NHSL2: variants seen among roughly 807,000 people sequenced by gnomAD.
NHSL2 encodes NHS-like protein 2.
A neutral mutation model predicts 53.4 loss-of-function variants in NHSL2; 27 were observed. The ratio of observed to expected loss-of-function variants is 0.51; its 90% CI spans 0.37 to 0.70. The LOEUF is 0.70. NHSL2 is among the 30% of genes least tolerant of loss of function. NHSL2 has a pLI of 0.00. For missense variants in NHSL2, 892 were observed against 980.1 expected, an observed-to-expected ratio of 0.91 and a Z score of 1.20; for synonymous variants, 408 against 404.1, an observed-to-expected ratio of 1.01 and a Z score of -0.12.
At chrX:72,113,257 G>C (rs2042107656) in intron 1 of NHSL2, among the ~76,000 whole-genome samples, 1 of 111,671 alleles carries the variant, frequency 9.0e-6, no homozygotes, top group Non-Finnish European at 1.9e-5. Flanking sequence ...TCCTCTGGTT[G>C]CTGTGTGGGA....
chrX:71,986,164 T>A (rs1379121959), intron 1 of NHSL2, among the ~76,000 whole-genome samples: 2 of 112,104 alleles, frequency 1.8e-5, no homozygotes, highest in African/African-American at 6.5e-5. Flanking sequence ...GTTTCCTGTA[T>A]GACTTTTATA....
At chrX:72,138,322 G>T in intron 5 of NHSL2, 119 bp from the exon 6 acceptor site, 1 of 527,403 alleles carries the variant, frequency 1.9e-6, no homozygotes, top group Non-Finnish European at 3.0e-6. Flanking sequence ...GAAGAACCAA[G>T]GAATTCTGAC....
chrX:72,098,770 T>C (rs1167520549), intron 1 of NHSL2, among the ~76,000 whole-genome samples: 1 of 112,034 alleles, frequency 8.9e-6, no homozygotes, highest in Non-Finnish European at 1.9e-5. Flanking sequence ...AAAATAAATA[T>C]ATTTAATGGT....
intron 1 of NHSL2, among the ~76,000 whole-genome samples, chrX:72,024,878 T>G (rs977407736): frequency 1.8e-5 from 2 of 112,368 alleles, no homozygotes; most frequent in Non-Finnish European, 3.8e-5. Context: ...GTAATCAGTT[T>G]CCTTTATAAT....
chrX:71,922,405 G>C (rs950803712), intron 1 of NHSL2, among the ~76,000 whole-genome samples: 2 of 111,969 alleles, frequency 1.8e-5, no homozygotes, highest in African/African-American at 6.5e-5. Context: ...AACTATGGGG[G>C]GCACTTTTGG....
intron 1 of NHSL2, among the ~76,000 whole-genome samples, chrX:72,086,455 G>A (rs1019656903): frequency 3.7e-4 from 41 of 111,614 alleles, no homozygotes; most frequent in African/African-American, 1.1e-3. Flanking sequence ...AGGCCAAGGC[G>A]GGCAGATCAC....
At chrX:71,921,342 C>G (rs1296991991) in intron 1 of NHSL2, among the ~76,000 whole-genome samples, 1 of 106,229 alleles carries the variant, frequency 9.4e-6, no homozygotes, top group Non-Finnish European at 1.9e-5. Flanking sequence ...ATCACTTGAA[C>G]CCGGGAGGTG....
chrX:72,142,523 T>C (rs1208343387), intron 7 of NHSL2, among the ~76,000 whole-genome samples, 159 bp downstream of exon 7: 1 of 111,513 alleles, frequency 9.0e-6, no homozygotes, highest in African/African-American at 3.3e-5. Flanking sequence ...GAATTGCACC[T>C]GGAGGCTAAG....
At chrX:71,992,640 GGTTTTTTGTTTTGTTTCTTTCT>G in intron 1 of NHSL2, among the ~76,000 whole-genome samples, 1 of 112,338 alleles carries the variant, frequency 8.9e-6, no homozygotes, top group East Asian at 2.8e-4. Context: ...GCAATTTTAG[GGTTTTTTGTTTTGTTTCTTTCT>G]GTTTTTGGTT....
At chrX:71,994,903 G>C (rs2042043330) in intron 1 of NHSL2, among the ~76,000 whole-genome samples, 2 of 111,544 alleles carry the variant, frequency 1.8e-5, no homozygotes, top group African/African-American at 6.5e-5. Flanking sequence ...GTGGAGAGTG[G>C]CTGCTGCCCC....
At chrX:72,098,174 G>A (rs1375774267) in intron 1 of NHSL2, among the ~76,000 whole-genome samples, 1 of 112,474 alleles carries the variant, frequency 8.9e-6, no homozygotes, top group African/African-American at 3.2e-5. Context: ...CAGCAGTTGA[G>A]CAAGGGGAGC....
At chrX:71,956,269 A>G (rs1237022785) in intron 1 of NHSL2, among the ~76,000 whole-genome samples, 1 of 112,530 alleles carries the variant, frequency 8.9e-6, no homozygotes, top group East Asian at 2.8e-4. Flanking sequence ...TACAATCAAG[A>G]TAATGAATAT....
chrX:72,072,650 T>C (rs949127527), intron 1 of NHSL2, among the ~76,000 whole-genome samples: 11 of 112,359 alleles, frequency 9.8e-5, no homozygotes, highest in African/African-American at 3.6e-4. Context: ...AGAATCCTGA[T>C]CCTGTGTTTC....
chrX:72,131,333 C>G, intron 1 of NHSL2: 1 of 1,203,728 alleles, frequency 8.3e-7, no homozygotes, highest in Non-Finnish European at 1.1e-6. Flanking sequence ...AGCGCGAACT[C>G]CAAGTTCTCC....
intron 1 of NHSL2, among the ~76,000 whole-genome samples, chrX:72,067,466 C>T (rs1447045337): frequency 9.0e-6 from 1 of 111,600 alleles, no homozygotes; most frequent in Non-Finnish European, 1.9e-5. Flanking sequence ...CTTTTCTAGC[C>T]TCTCTGAGCT....
chrX:71,942,997 TG>T (rs2041775571), intron 1 of NHSL2, among the ~76,000 whole-genome samples: 1 of 108,749 alleles, frequency 9.2e-6, no homozygotes, highest in Admixed American at 9.8e-5. Flanking sequence ...TGTGTGTGTG[TG>T]TGTGTGTGTC....
At chrX:72,051,326 T>C in intron 1 of NHSL2, among the ~76,000 whole-genome samples, 1 of 112,430 alleles carries the variant, frequency 8.9e-6, no homozygotes, top group Non-Finnish European at 1.9e-5. Flanking sequence ...CCCATGCATG[T>C]ACAGAAATTT....
At chrX:71,965,644 A>G (rs1369005434) in intron 1 of NHSL2, among the ~76,000 whole-genome samples, 1 of 112,175 alleles carries the variant, frequency 8.9e-6, no homozygotes, top group African/African-American at 3.2e-5. Flanking sequence ...TATCCACAAA[A>G]TAACTTGCTG....
intron 1 of NHSL2, among the ~76,000 whole-genome samples, chrX:72,088,788 C>T (rs927408686): frequency 4.5e-5 from 5 of 112,127 alleles, no homozygotes; most frequent in Admixed American, 2.8e-4. Flanking sequence ...GGAAAAAGTT[C>T]GTCTGGGTAC....
Sources: gnomAD v4.1 joint callset for allele counts (sites outside exome capture counted in the v4.1 genomes callset) on GRCh38, gnomAD v4.1.1 for gene constraint, MANE v1.5 for transcripts, NCBI Gene and HGNC (gene_info 2026-07-23, HGNC 2026-07-21) for gene names.